Variants in SCLY observed in about 807,000 individuals in gnomAD.
SCLY encodes the protein putative selenocysteine lyase.
A neutral mutation model predicts 50.1 loss-of-function variants in SCLY; 38 were observed. The observed-to-expected ratio is 0.76, with a 90% CI of 0.59 to 0.99. The LOEUF is 0.99. SCLY is among the 50% of genes least tolerant of loss of function. The pLI is 0.00. For synonymous variants in SCLY, 243 were observed against 249.4 expected, an observed-to-expected ratio of 0.97 and a Z score of 0.24; for missense variants, 600 against 620.0, an observed-to-expected ratio of 0.97 and a Z score of 0.34.
At chr2:238,062,887 C>T (rs964587541) in intron 1 of SCLY, among the ~76,000 whole-genome samples, 3 of 152,238 alleles carry the variant, frequency 2.0e-5, no homozygotes, top group African/African-American at 7.2e-5. Context: ...TACTACTACA[C>T]ATTTTTCTAA....
At chr2:238,084,339 C>A (rs1391481749) in intron 7 of SCLY, among the ~76,000 whole-genome samples, 2 of 152,134 alleles carry the variant, frequency 1.3e-5, no homozygotes, top group African/African-American at 4.8e-5. Context: ...GCCTGTAATC[C>A]CAGCACTTTG....
In SCLY at chr2:238,091,113, G is replaced by A. The variant is rs2065357135; in HGVS notation, c.885-105G>A. On this transcript the variant is annotated intron_variant, in intron 7 of 11. Transcript: ENST00000254663. ...AGCCACATGGCGCGTGCTTAGGAAA[G>A]ATGTAGCGTGAGTTTGATTTTATTT... 3 of 1,070,396 alleles carry A rather than the reference G, an allele frequency of 2.8e-6. No homozygotes were observed. The East Asian group carries it at 7.1e-5, about 25-fold the overall frequency. 66.3% of individuals were successfully genotyped at this position (1,070,396 alleles called of 1,614,324 possible).
chr2:238,087,038 A>C (rs1156347136), intron 7 of SCLY, among the ~76,000 whole-genome samples: 7 of 151,006 alleles, frequency 4.6e-5, no homozygotes, highest in Non-Finnish European at 1.0e-4. Flanking sequence ...AAAAAAGACA[A>C]CATTAGCTGG....
intron 4 of SCLY, chr2:238,081,416 C>G: frequency 3.0e-6 from 1 of 329,442 alleles, no homozygotes; most frequent in Non-Finnish European, 5.7e-6. Flanking sequence ...AAAGCAAGAG[C>G]CTGCATCCCT....
intron 7 of SCLY, among the ~76,000 whole-genome samples, chr2:238,090,722 G>C (rs114733728): frequency 0.022 from 3,292 of 152,244 alleles, 121 homozygotes; most frequent in African/African-American, 0.076. Context: ...TGTTAGGTCA[G>C]AGTATGCAAG....
intron 9 of SCLY, 62 bp downstream of exon 9, chr2:238,094,006 G>A (rs1008295841): frequency 5.1e-5 from 74 of 1,439,844 alleles, no homozygotes; most frequent in Non-Finnish European, 6.4e-5. Context: ...TGCCCAGAGA[G>A]GAGGGGTGTG....
intron 11 of SCLY, among the ~76,000 whole-genome samples, chr2:238,097,219 A>G (rs1257520330): frequency 1.3e-5 from 2 of 151,822 alleles, no homozygotes; most frequent in African/African-American, 4.8e-5. Context: ...TGCTTACTTA[A>G]ACCTCATGGA....
chr2:238,098,714 A>C lies in SCLY; in HGVS notation c.*359A>C. On this transcript the variant is annotated 3_prime_UTR_variant, in exon 12 of 12. Transcript: ENST00000254663. Reference sequence around the variant, plus strand: ...ACACTTAGCTTTATCCACCCTCCCCACTGGGAACTGGGCACGCCTGTTGTG... The same window carrying C: ...ACACTTAGCTTTATCCACCCTCCCCCCTGGGAACTGGGCACGCCTGTTGTG... The C allele has an allele frequency of 8.2e-6, 2 of 243,960 alleles. No individual in the cohort carries two copies. Among genetic ancestry groups the C allele is most frequent in the African/African-American group, 3.0e-5 (1 of 32,988 alleles). The allele number at this position is 243,960 out of a possible 1,614,324, so 15.1% of individuals were successfully genotyped here.
chr2:238,079,698 T>C (rs1382306480), intron 4 of SCLY: 1 of 152,234 alleles, frequency 6.6e-6, no homozygotes, highest in East Asian at 1.9e-4. Flanking sequence ...CTTTTGCTGA[T>C]TGCGAGATAG....
At chr2:238,064,252 C>T in intron 1 of SCLY, 105 bp from the exon 2 acceptor site, 1 of 609,676 alleles carries the variant, frequency 1.6e-6, no homozygotes. Context: ...ATCACCATGC[C>T]CTTGACATTA....
intron 4 of SCLY, among the ~76,000 whole-genome samples, chr2:238,071,291 A>C (rs142425788): frequency 5.3e-5 from 8 of 152,372 alleles, no homozygotes; most frequent in African/African-American, 1.9e-4. Context: ...GGAAATAGTT[A>C]AAATATTATA....
At position 238,083,874 on chromosome 2, in the gene SCLY, C is replaced by A. The variant is rs1037849311; in HGVS notation, c.884+520C>A. 2.0e-5 allele frequency among the ~76,000 whole-genome samples: 3 copies of A among 152,168 alleles called. No homozygotes were observed. Among genetic ancestry groups the A allele is most frequent in the Non-Finnish European group, 2.9e-5 (2 of 68,042 alleles). On this transcript the variant is annotated intron_variant, in intron 7 of 11. Coordinates refer to ENST00000254663, the MANE Select transcript of SCLY (RefSeq NM_016510.7). The surrounding 1 kb of genome is among the most constrained non-coding windows in gnomAD (Gnocchi z 4.3). The stretch of plus-strand genomic sequence containing the variant: ...GTGAGTTCCTGGGTTTTCTTTTCAC[C>A]TTGTGTATCCCACACTTAGTGCTGA...
At chr2:238,094,781 G>A in intron 10 of SCLY, 2 of 437,304 alleles carry the variant, frequency 4.6e-6, no homozygotes, top group Non-Finnish European at 8.1e-6. Context: ...AAACTCTCGT[G>A]TCTGGCATTA....
At chr2:238,076,881 T>C (rs1475897458) in intron 4 of SCLY, among the ~76,000 whole-genome samples, 1 of 152,218 alleles carries the variant, frequency 6.6e-6, no homozygotes, top group Non-Finnish European at 1.5e-5. Flanking sequence ...AGGATGTATG[T>C]AGACATATAT....
At chr2:238,061,777 G>A (rs1007294905) in intron 1 of SCLY, among the ~76,000 whole-genome samples, 2 of 152,188 alleles carry the variant, frequency 1.3e-5, no homozygotes, top group Non-Finnish European at 2.9e-5. Flanking sequence ...CCCAGCTGCA[G>A]GAAACGGGAT....
At chr2:238,082,933 T>TAAACC in intron 6 of SCLY, 2 of 344,754 alleles carry the variant, frequency 5.8e-6, no homozygotes, top group Non-Finnish European at 1.2e-5. Flanking sequence ...TTTTTTTTTT[T>TAAACC]TAAACCTGTG....
rs1327205972 is a variant in SCLY at position 238,067,418 on chromosome 2, A to G, written c.203-647A>G. 6.6e-6 allele frequency among the ~76,000 whole-genome samples: 1 copy of G among 152,206 alleles called. No individual in the cohort carries two copies. The highest frequency in any genetic ancestry group is 6.5e-5 in the Admixed American group (1 of 15,286). Reference sequence around the variant, plus strand: ...AAGTTTGGGGACTCCTGGTGTGTACACTAAGAATGGTCACTGAAACTTTCG... The same window carrying G: ...AAGTTTGGGGACTCCTGGTGTGTACGCTAAGAATGGTCACTGAAACTTTCG... On this transcript the variant is annotated intron_variant, in intron 2 of 11. Coordinates refer to ENST00000254663, the MANE Select transcript of SCLY (RefSeq NM_016510.7). The surrounding 1 kb of genome is among the most constrained non-coding windows in gnomAD (Gnocchi z 4.3).
Position 238,067,686 on chromosome 2 carries a change from A to G in SCLY, c.203-379A>G, listed in dbSNP as rs553144368. On this transcript the variant is annotated intron_variant, in intron 2 of 11. Coordinates refer to ENST00000254663, the MANE Select transcript of SCLY (RefSeq NM_016510.7). This position sits in a 1 kb window ranked among gnomAD's most constrained non-coding sequence, Gnocchi z 4.3. ...TGCTTATTTTTGTTGTTTGCAACTC[A>G]TTCCATCCTTTCATTCTCCTCTCTT... Among the ~76,000 whole-genome samples the G allele has an allele frequency of 4.7e-4, 71 of 152,344 alleles. No individual in the cohort carries two copies. The highest frequency in any genetic ancestry group is 8.5e-4 in the Non-Finnish European group (58 of 68,024).
In SCLY at chr2:238,069,675, T is replaced by G; in HGVS notation, c.484+198T>G. 2.1e-6 allele frequency: 1 copy of G among 485,986 alleles called. No homozygotes were observed. The highest frequency in any genetic ancestry group is 3.5e-6 in the Non-Finnish European group (1 of 285,276). 30.1% of individuals were successfully genotyped at this position (485,986 alleles called of 1,614,324 possible). A position where few individuals can be genotyped will look rare whatever the true frequency, so the allele number is the denominator to read the frequency against. ...TTGCCCCTCACTGCACTGGGCTCCCTGGCTGCCCCTCTCGGTGCAGAGGCC... is the reference window on the plus strand; with the variant it reads ...TTGCCCCTCACTGCACTGGGCTCCCGGGCTGCCCCTCTCGGTGCAGAGGCC... On this transcript the variant is annotated intron_variant, in intron 4 of 11. Transcript: ENST00000254663. The surrounding 1 kb of genome is among the most constrained non-coding windows in gnomAD (Gnocchi z 5.0).
Sources: gnomAD v4.1 joint callset for allele counts (sites outside exome capture counted in the v4.1 genomes callset) on GRCh38, gnomAD v4.1.1 for gene constraint, Gnocchi (gnomAD v3.1) non-coding constraint, MANE v1.5 for transcripts, NCBI Gene and HGNC (gene_info 2026-07-23, HGNC 2026-07-21) for gene names.